FMN1: variants seen among roughly 807,000 people sequenced by gnomAD.
FMN1 encodes formin 1.
In FMN1, 110 loss-of-function variants were observed where a neutral mutation model predicts 132.4. That is an observed-to-expected ratio of 0.83 (90% CI 0.71 to 0.97). The LOEUF (loss-of-function observed/expected upper bound fraction) is 0.97, where lower values mean the gene tolerates loss of function less well. FMN1 is among the 50% of genes least tolerant of loss of function. The probability of loss-of-function intolerance (pLI) is 0.00; values close to 1 mark genes in which losing one functional copy is unlikely to be tolerated. For missense variants in FMN1, 1,792 were observed against 1,705.3 expected (o/e 1.05, Z -0.90); for synonymous variants, 722 against 651.7 (o/e 1.11, Z -1.64).
At chr15:33,171,849 T>A (rs1401130222) in intron 3 of FMN1, among the ~76,000 whole-genome samples, 1 of 152,196 alleles carries the variant, frequency 6.6e-6, no homozygotes, top group Admixed American at 6.5e-5. Context: ...TGTGTGTACA[T>A]ATCACTAAAC....
At chr15:32,779,712 G>A (rs2056602690) in intron 19 of FMN1, among the ~76,000 whole-genome samples, 1 of 152,142 alleles carries the variant, frequency 6.6e-6, no homozygotes, top group Admixed American at 6.6e-5. Flanking sequence ...TCTGTACCAG[G>A]TGCTGTTCTA....
intron 7 of FMN1, among the ~76,000 whole-genome samples, chr15:32,991,349 G>T (rs2140855115): frequency 6.6e-6 from 1 of 152,274 alleles, no homozygotes; most frequent in African/African-American, 2.4e-5. Context: ...ATGCTGGACT[G>T]CTCAGGCTGT....
intron 4 of FMN1, among the ~76,000 whole-genome samples, chr15:33,092,192 C>T (rs2038927744): frequency 6.6e-6 from 1 of 152,186 alleles, no homozygotes; most frequent in South Asian, 2.1e-4. Flanking sequence ...AGCTGCACTT[C>T]CTGATGCTAA....
chr15:32,800,872 C>T (rs1273069598), intron 18 of FMN1, among the ~76,000 whole-genome samples: 2 of 152,226 alleles, frequency 1.3e-5, no homozygotes, highest in African/African-American at 4.8e-5. Flanking sequence ...CTGTATCACA[C>T]ATAACATGCA....
intron 6 of FMN1, among the ~76,000 whole-genome samples, chr15:33,041,436 C>G (rs1191931832): frequency 7.8e-6 from 1 of 127,828 alleles, no homozygotes; most frequent in Non-Finnish European, 1.6e-5. Context: ...CTATTCACTT[C>G]TTTTTCAGCT....
chr15:33,144,085 A>C lies in FMN1; in HGVS notation c.1867+8963T>G, dbSNP rs182954543. ...TTCACGTGATTCAGAAATGATTGGGAGGAAGAAAGGGGACCTTTGTTTTTC... is the reference window on the plus strand; with the variant it reads ...TTCACGTGATTCAGAAATGATTGGGCGGAAGAAAGGGGACCTTTGTTTTTC... On this transcript the variant is annotated intron_variant, in intron 4 of 20. Coordinates refer to ENST00000616417, the MANE Select transcript of FMN1 (RefSeq NM_001277313.2). 2.0e-5 allele frequency among the ~76,000 whole-genome samples: 3 copies of C among 152,352 alleles called. No homozygotes were observed. In the East Asian group the frequency reaches 5.8e-4, roughly 29 times the overall value.
At chr15:33,069,612 A>G (rs1450396122) in intron 5 of FMN1, among the ~76,000 whole-genome samples, 1 of 152,250 alleles carries the variant, frequency 6.6e-6, no homozygotes, top group African/African-American at 2.4e-5. Context: ...CAATCTAAGC[A>G]TCAATACTGA....
chr15:32,937,727 G>C (rs1360840214), intron 9 of FMN1, among the ~76,000 whole-genome samples: 1 of 152,242 alleles, frequency 6.6e-6, no homozygotes, highest in Non-Finnish European at 1.5e-5. Context: ...ACTGAGTCAG[G>C]CTTCGCTGAA....
At chr15:32,820,583 A>G (rs986590497) in intron 17 of FMN1, among the ~76,000 whole-genome samples, 2 of 152,180 alleles carry the variant, frequency 1.3e-5, no homozygotes, top group African/African-American at 4.8e-5. Flanking sequence ...ATCCTTCCAG[A>G]ACTTCTGAGT....
Position 32,969,257 on chromosome 15 carries a change from G to C in FMN1, c.2444C>G (p.Pro815Arg), listed in dbSNP as rs1231884760. ...VQTDRETFLK[P>R]CESESKTTRS... ...GGTTGTCTTGCTTTCACTTTCACAG[G>C]GCTTGAGGAAGGTCTCTCTGTCTGT... is the stretch of plus-strand genomic sequence containing the variant. Residue 815 changes from proline (P) to arginine (R), a missense_variant, in exon 8 of 21, where the codon CCC (proline) becomes CGC (arginine). Around this residue, in one of 3 missense-constraint regions of FMN1, gnomAD observed 1,150 missense variants for 1,043.1 expected, o/e 1.10. Coordinates refer to ENST00000616417, the MANE Select transcript of FMN1 (RefSeq NM_001277313.2). 2 of 1,613,900 alleles carry C rather than the reference G, an allele frequency of 1.2e-6. No individual in the cohort carries two copies. Among genetic ancestry groups the C allele is most frequent in the East Asian group, 4.5e-5 (2 of 44,870 alleles).
intron 6 of FMN1, among the ~76,000 whole-genome samples, chr15:33,056,479 T>A (rs2037221731): frequency 6.6e-6 from 1 of 152,182 alleles, no homozygotes; most frequent in African/African-American, 2.4e-5. Context: ...TACAGCTCAG[T>A]GTTTCCCTTA....
At chr15:33,049,783 T>A (rs1472393874) in intron 6 of FMN1, among the ~76,000 whole-genome samples, 1 of 152,216 alleles carries the variant, frequency 6.6e-6, no homozygotes, top group African/African-American at 2.4e-5. Flanking sequence ...TAAGCTCTAA[T>A]TAATCCCGTT....
At chr15:32,948,992 G>C (rs1286332941) in intron 9 of FMN1, among the ~76,000 whole-genome samples, 2 of 151,300 alleles carry the variant, frequency 1.3e-5, no homozygotes, top group Non-Finnish European at 2.9e-5. Context: ...ATTGATTTAA[G>C]GCACTTAACT....
Position 33,154,714 on chromosome 15 carries a change from G to A in FMN1, c.201C>T (p.Asp67=), listed in dbSNP as rs768687318. Residue 67 remains aspartate (D), a synonymous_variant, in exon 4 of 21, where the codon GAC becomes GAT. Transcript: ENST00000616417. ...TGAAAAATATGTCGCCTGGATGTTC[G>A]TCCGGCTCCTGGCTGAGGCTGATGA... ...SDIISLSQEP[D]EHPGDIFFKQ... The A allele has an allele frequency of 2.0e-5, 30 of 1,535,968 alleles. No individual in the cohort carries two copies. In the South Asian group the frequency reaches 2.6e-4, roughly 13 times the overall value.
At chr15:32,918,105 T>C (rs2140308413) in intron 10 of FMN1, among the ~76,000 whole-genome samples, 1 of 151,512 alleles carries the variant, frequency 6.6e-6, no homozygotes, top group East Asian at 1.9e-4. Context: ...ACAGAATTTC[T>C]TTAAAAAAAA....
At chr15:32,867,035 A>C (rs2059407701) in intron 16 of FMN1, among the ~76,000 whole-genome samples, 1 of 152,140 alleles carries the variant, frequency 6.6e-6, no homozygotes, top group African/African-American at 2.4e-5. Flanking sequence ...CATTTCAGTA[A>C]CCATATCTGG....
intron 9 of FMN1, among the ~76,000 whole-genome samples, chr15:32,955,940 C>T (rs563817531): frequency 1.3e-5 from 2 of 152,318 alleles, no homozygotes; most frequent in African/African-American, 2.4e-5. Context: ...ATTCTAAGCA[C>T]TGGAACCATG....
intron 17 of FMN1, among the ~76,000 whole-genome samples, chr15:32,840,004 T>C (rs552115737): frequency 1.3e-5 from 2 of 152,302 alleles, no homozygotes; most frequent in East Asian, 1.9e-4. Flanking sequence ...GAGCCACATA[T>C]TGGCAACATA....
intron 17 of FMN1, among the ~76,000 whole-genome samples, chr15:32,848,984 T>G (rs867386570): frequency 4.6e-5 from 6 of 131,822 alleles, no homozygotes; most frequent in South Asian, 2.7e-4. Flanking sequence ...TTTGTTTTTT[T>G]TTTTTTTTTT....
Sources: gnomAD v4.1 joint callset for allele counts (sites outside exome capture counted in the v4.1 genomes callset) on GRCh38, gnomAD v4.1.1 for gene constraint, gnomAD v4.1.1 regional missense constraint, MANE v1.5 for transcripts, NCBI Gene and HGNC (gene_info 2026-07-23, HGNC 2026-07-21) for gene names.